Variants in MTDH observed in about 807,000 individuals in gnomAD.
MTDH encodes metadherin.
MTDH carries 34 observed loss-of-function variants against 72.7 expected under a neutral mutation model. That is an observed-to-expected ratio of 0.47 (90% CI 0.36 to 0.62). MTDH has a LOEUF of 0.62. Among genes scored for constraint, MTDH ranks in the 20% least tolerant of loss-of-function variants. The pLI, the probability that MTDH is intolerant of heterozygous loss-of-function variation, is 0.00. For missense variants in MTDH, 677 were observed against 699.4 expected (o/e 0.97, Z 0.36); for synonymous variants, 266 against 268.9 (o/e 0.99, Z 0.10).
At position 97,696,866 on chromosome 8, in the gene MTDH, C is replaced by T. The variant is rs555856453; in HGVS notation, c.1049-2888C>T. Among the ~76,000 whole-genome samples, 7 of 151,330 alleles carry T rather than the reference C, an allele frequency of 4.6e-5. No homozygotes were observed. In the South Asian group the frequency reaches 1.5e-3, roughly 32 times the overall value. On this transcript the variant is annotated intron_variant, in intron 6 of 11. Transcript: ENST00000336273. ...GGTGTGGTGGCTCACATCTCTAATC[C>T]CAGCACGTAGCGAGGCTGAGGTGGG...
intron 1 of MTDH, among the ~76,000 whole-genome samples, chr8:97,652,173 C>A (rs1811798967): frequency 6.6e-6 from 1 of 152,162 alleles, no homozygotes; most frequent in African/African-American, 2.4e-5. Context: ...TGCCTAAAAC[C>A]AACACTTAGT....
chr8:97,650,010 C>T (rs527426962), intron 1 of MTDH, among the ~76,000 whole-genome samples: 4 of 152,198 alleles, frequency 2.6e-5, no homozygotes, highest in Non-Finnish European at 5.9e-5. Context: ...GGCTGGAGTG[C>T]AGTGGTGCGA....
At chr8:97,708,809 A>G (rs907845453) in intron 8 of MTDH, among the ~76,000 whole-genome samples, 1 of 151,392 alleles carries the variant, frequency 6.6e-6, no homozygotes, top group African/African-American at 2.4e-5. Flanking sequence ...CATGTTAGCC[A>G]GGCTGGTCTC....
intron 1 of MTDH, among the ~76,000 whole-genome samples, chr8:97,650,815 C>T (rs1233950850): frequency 6.6e-6 from 1 of 151,326 alleles, no homozygotes; most frequent in Admixed American, 6.6e-5. Flanking sequence ...CTGCAACCTC[C>T]GCCTCTCAGG....
At chr8:97,681,682 T>G (rs1479324706) in intron 2 of MTDH, among the ~76,000 whole-genome samples, 1 of 151,794 alleles carries the variant, frequency 6.6e-6, no homozygotes, top group Non-Finnish European at 1.5e-5. Flanking sequence ...TTAGTAGAGA[T>G]AGGTTTTGTT....
rs1482583606 is a variant in MTDH at position 97,644,481 on chromosome 8, T to C, written c.-26T>C. 9 of 1,545,482 alleles carry C rather than the reference T, an allele frequency of 5.8e-6. No homozygotes were observed. Among genetic ancestry groups the C allele is most frequent in the East Asian group, 2.5e-5 (1 of 40,790 alleles). ...GCGTCTCCGCGCCCCGGCGTCATCC[T>C]GCGAGTCCCTCTGACGGGAGGGAAG... On this transcript the variant is annotated 5_prime_UTR_variant, in exon 1 of 12. Coordinates refer to ENST00000336273, the MANE Select transcript of MTDH (RefSeq NM_178812.4).
chr8:97,648,959 GGCT>G (rs1811664891), intron 1 of MTDH, among the ~76,000 whole-genome samples: 1 of 152,084 alleles, frequency 6.6e-6, no homozygotes, highest in Non-Finnish European at 1.5e-5. Flanking sequence ...TGCCTCATCT[GGCT>G]GTAATTTTGT....
intron 1 of MTDH, among the ~76,000 whole-genome samples, chr8:97,648,963 G>A (rs1318852004): frequency 6.6e-6 from 1 of 152,192 alleles, no homozygotes; most frequent in African/African-American, 2.4e-5. Flanking sequence ...TCATCTGGCT[G>A]TAATTTTGTG....
At chr8:97,713,848 T>TA (rs768724122) in intron 9 of MTDH, 79 bp downstream of exon 9, 257 of 736,344 alleles carry the variant, frequency 3.5e-4, no homozygotes, top group Non-Finnish European at 4.8e-4. Flanking sequence ...ATGTTAAAAA[T>TA]ACATAGAGAT....
At chr8:97,661,428 C>G (rs1199654292) in intron 2 of MTDH, among the ~76,000 whole-genome samples, 1 of 151,902 alleles carries the variant, frequency 6.6e-6, no homozygotes, top group African/African-American at 2.4e-5. Flanking sequence ...AAAAACAATT[C>G]ATTCACAACT....
At chr8:97,697,809 T>A in intron 6 of MTDH, among the ~76,000 whole-genome samples, 1 of 152,150 alleles carries the variant, frequency 6.6e-6, no homozygotes, top group East Asian at 1.9e-4. Context: ...ATAGACTACA[T>A]TTCATTTCCA....
At chr8:97,718,270 T>G (rs1471075919) in intron 9 of MTDH, among the ~76,000 whole-genome samples, 1 of 151,860 alleles carries the variant, frequency 6.6e-6, no homozygotes, top group Non-Finnish European at 1.5e-5. Flanking sequence ...CTCGAACTCC[T>G]GACCTCAGGT....
intron 2 of MTDH, among the ~76,000 whole-genome samples, chr8:97,681,574 A>T (rs1195938486): frequency 2.0e-5 from 3 of 149,150 alleles, no homozygotes. Flanking sequence ...GCTCACTGCA[A>T]CCTCCGCCTC....
intron 2 of MTDH, among the ~76,000 whole-genome samples, chr8:97,679,899 T>A (rs1157094578): frequency 6.6e-6 from 1 of 152,222 alleles, no homozygotes; most frequent in Non-Finnish European, 1.5e-5. Context: ...TTGGCACTGC[T>A]TATTTACTTA....
intron 2 of MTDH, among the ~76,000 whole-genome samples, chr8:97,684,635 G>A (rs1037278172): frequency 6.6e-6 from 1 of 152,188 alleles, no homozygotes; most frequent in Non-Finnish European, 1.5e-5. Flanking sequence ...CTCAACTGTA[G>A]TTGACAGATG....
At chr8:97,670,548 C>G (rs1253040284) in intron 2 of MTDH, among the ~76,000 whole-genome samples, 1 of 152,196 alleles carries the variant, frequency 6.6e-6, no homozygotes, top group Admixed American at 6.5e-5. Flanking sequence ...CACTTTAACC[C>G]AGGAGGTGGA....
chr8:97,666,407 C>G (rs1166878680), intron 2 of MTDH, among the ~76,000 whole-genome samples: 1 of 152,210 alleles, frequency 6.6e-6, no homozygotes, highest in East Asian at 1.9e-4. Flanking sequence ...TTACATAGCT[C>G]AATAAAGAGT....
chr8:97,708,544 A>G lies in MTDH; in HGVS notation c.1272+1794A>G, dbSNP rs1274262046. Among the ~76,000 whole-genome samples, 218 of 111,930 alleles carry G rather than the reference A, an allele frequency of 1.9e-3. 1 individual carries two copies. The highest frequency in any genetic ancestry group is 3.2e-3 in the Non-Finnish European group (189 of 59,420). The allele number at this position is 111,930 out of a possible 152,430, so 73.4% of individuals were successfully genotyped here. A position where few individuals can be genotyped will look rare whatever the true frequency, so the allele number is the denominator to read the frequency against. On this transcript the variant is annotated intron_variant, in intron 8 of 11. Transcript: ENST00000336273. Reference sequence around the variant, plus strand: ...TGATCCACCCACCTCGGCCTCCCAAAGTGCTGGGATTACAGGCATGAGCCA... The same window carrying G: ...TGATCCACCCACCTCGGCCTCCCAAGGTGCTGGGATTACAGGCATGAGCCA...
intron 11 of MTDH, among the ~76,000 whole-genome samples, chr8:97,723,619 T>C (rs1203446622): frequency 6.7e-6 from 1 of 149,354 alleles, no homozygotes; most frequent in Non-Finnish European, 1.5e-5. Flanking sequence ...GGCAGGCACC[T>C]GTAGTCCCAG....
Sources: allele counts gnomAD v4.1 joint callset (sites outside exome capture counted in the v4.1 genomes callset), GRCh38; gene constraint gnomAD v4.1.1; transcripts MANE v1.5; gene names NCBI Gene and HGNC (gene_info 2026-07-23, HGNC 2026-07-21).